SVEP1: variants seen among roughly 807,000 people sequenced by gnomAD.
SVEP1 encodes the protein sushi, von Willebrand factor type A, EGF and pentraxin domain containing 1.
In SVEP1, 164 loss-of-function variants were observed where a neutral mutation model predicts 367.3. The ratio of observed to expected loss-of-function variants is 0.45; its 90% CI spans 0.39 to 0.51. The LOEUF is 0.51. SVEP1 is among the 20% of genes least tolerant of loss of function. SVEP1 has a pLI of 0.00. For missense variants in SVEP1, 4,117 were observed against 4,425.3 expected (o/e 0.93, Z 1.98); for synonymous variants, 1,666 against 1,611.6 (o/e 1.03, Z -0.81).
chr9:110,388,973 TAAAAATA>T (rs2118967800), intron 41 of SVEP1, among the ~76,000 whole-genome samples: 1 of 98,770 alleles, frequency 1.0e-5, no homozygotes, highest in South Asian at 3.0e-4. Context: ...TATTTAAAAA[TAAAAATA>T]AAAATACATA....
At chr9:110,461,202 G>C (rs550447345) in intron 18 of SVEP1, among the ~76,000 whole-genome samples, 1 of 152,284 alleles carries the variant, frequency 6.6e-6, no homozygotes, top group East Asian at 1.9e-4. Context: ...TTTCCTCCAT[G>C]ATGTTTTGTT....
intron 37 of SVEP1, among the ~76,000 whole-genome samples, chr9:110,410,171 G>A (rs1209852822): frequency 6.6e-6 from 1 of 152,144 alleles, no homozygotes; most frequent in Non-Finnish European, 1.5e-5. Flanking sequence ...TATTTTGAAT[G>A]TAAAGGAGAA....
chr9:110,574,089 G>A lies in SVEP1; in HGVS notation c.531+4924C>T, dbSNP rs554943341. ...AAATAATAATCATTTAAAAAGAGAA[G>A]CAACACTGTTAATCCTTTTTGTTTG... On this transcript the variant is annotated intron_variant, in intron 1 of 47. Transcript: ENST00000374469. 5.3e-5 allele frequency among the ~76,000 whole-genome samples: 8 copies of A among 152,290 alleles called. No individual in the cohort carries two copies. The South Asian group carries it at 6.2e-4, about 12-fold the overall frequency.
In SVEP1 at chr9:110,515,582, G is replaced by A. The variant is rs1313279555; in HGVS notation, c.965-1476C>T. On this transcript the variant is annotated intron_variant, in intron 3 of 47. Coordinates refer to ENST00000374469, the MANE Select transcript of SVEP1 (RefSeq NM_153366.4). ...CCCAAAGTGCTGGGATTACAGGCGT[G>A]AGCCACCGCGCCCGGCCTATGTGGG... is the stretch of plus-strand genomic sequence containing the variant. Among the ~76,000 whole-genome samples the A allele has an allele frequency of 2.0e-5, 3 of 152,242 alleles. 1 individual carries two copies. The highest frequency in any genetic ancestry group is 1.9e-4 in the East Asian group (1 of 5,170).
rs568010525 is a variant in SVEP1, at chr9:110,579,119, G to A, written c.425C>T (p.Thr142Ile). The change falls in exon 1 of 48, where the codon ACC becomes ATC. Residue 142 changes from threonine (T) to isoleucine (I), a missense_variant. By Grantham distance (89) the Thr-to-Ile change is moderately conservative. Around this residue, in one of 4 missense-constraint regions of SVEP1, gnomAD observed 2,174 missense variants for 2,494.3 expected, o/e 0.87. Coordinates refer to ENST00000374469, the MANE Select transcript of SVEP1 (RefSeq NM_153366.4). This position sits in a 1 kb window ranked among gnomAD's most constrained non-coding sequence, Gnocchi z 5.3. ...YVVPRVDYIS[T>I]RRARQHKCAL... ...GCACTTGTGCTGGCGCGCGCGGCGG[G>A]TGGAGATGTAATCGACGCGCGGCAC... 3 of 1,554,124 alleles carry A rather than the reference G, an allele frequency of 1.9e-6. No homozygotes were observed. The highest frequency in any genetic ancestry group is 2.4e-5 in the East Asian group (1 of 41,034).
At chr9:110,503,243 C>A in intron 5 of SVEP1, 26 bp from the exon 6 acceptor site, 2 of 1,591,304 alleles carry the variant, frequency 1.3e-6, no homozygotes, top group East Asian at 2.2e-5. Flanking sequence ...GCAATTAGAT[C>A]ACATTTTGCT....
At chr9:110,380,444 C>T (rs1230834271) in intron 43 of SVEP1, among the ~76,000 whole-genome samples, 3 of 151,596 alleles carry the variant, frequency 2.0e-5, no homozygotes, top group Non-Finnish European at 4.4e-5. Flanking sequence ...CTAAGGTGGA[C>T]AAAATGCCTA....
At chr9:110,395,295 C>G (rs1204172350) in intron 40 of SVEP1, among the ~76,000 whole-genome samples, 1 of 152,106 alleles carries the variant, frequency 6.6e-6, no homozygotes, top group Middle Eastern at 3.2e-3. Context: ...TACAGACAAG[C>G]AAATGCTGAG....
intron 12 of SVEP1, 127 bp downstream of exon 12, chr9:110,481,115 A>G (rs1052033277): frequency 3.0e-6 from 2 of 659,050 alleles, no homozygotes; most frequent in Non-Finnish European, 4.6e-6. Flanking sequence ...TCTTATTCAC[A>G]AACATTTCAA....
In SVEP1 at chr9:110,514,050, T is replaced by C. The variant is rs777110459; in HGVS notation, c.1021A>G (p.Ile341Val). 10 of 1,611,812 alleles carry C rather than the reference T, an allele frequency of 6.2e-6. No homozygotes were observed. The highest frequency in any genetic ancestry group is 1.6e-4 in the Middle Eastern group (1 of 6,076). ...EGSPGGISSC[I>V]PCPDENHTSP... Reference sequence around the variant, plus strand: ...GTGTGATTTTCATCAGGACATGGAATGCAACTGCTGATTCCTCCTGGTGAG... The same window carrying C: ...GTGTGATTTTCATCAGGACATGGAACGCAACTGCTGATTCCTCCTGGTGAG... Residue 341 changes from isoleucine to valine, a missense_variant, in exon 4 of 48, where the codon ATT becomes GTT. By Grantham distance (29) the Ile-to-Val change is conservative. Around this residue, in one of 4 missense-constraint regions of SVEP1, gnomAD observed 2,174 missense variants for 2,494.3 expected, o/e 0.87. Transcript: ENST00000374469.
At chr9:110,400,250 G>A (rs1052367953) in intron 40 of SVEP1, among the ~76,000 whole-genome samples, 9 of 152,196 alleles carry the variant, frequency 5.9e-5, no homozygotes, top group Admixed American at 3.9e-4. Context: ...ATGATTACCA[G>A]CAAGCCGAAA....
At chr9:110,563,585 C>T (rs775197013) in intron 1 of SVEP1, among the ~76,000 whole-genome samples, 5 of 152,162 alleles carry the variant, frequency 3.3e-5, no homozygotes, top group Non-Finnish European at 5.9e-5. Context: ...GGCAACCACA[C>T]TCTGTTGTGT....
chr9:110,502,312 C>T (rs991929645), intron 6 of SVEP1, among the ~76,000 whole-genome samples: 3 of 151,978 alleles, frequency 2.0e-5, no homozygotes, highest in Non-Finnish European at 4.4e-5. Flanking sequence ...ACCATGTTAG[C>T]CAGGCTGGTC....
intron 7 of SVEP1, 50 bp downstream of exon 7, chr9:110,498,991 T>C: frequency 2.0e-6 from 3 of 1,533,338 alleles, no homozygotes; most frequent in African/African-American, 2.7e-5. Flanking sequence ...TGCACCCATA[T>C]GGCAATATTA....
At chr9:110,535,410 G>C (rs182084078) in intron 3 of SVEP1, among the ~76,000 whole-genome samples, 3 of 152,034 alleles carry the variant, frequency 2.0e-5, no homozygotes, top group African/African-American at 7.2e-5. Flanking sequence ...TGCTATTTTG[G>C]TTACTGTAGG....
At chr9:110,536,319 A>C (rs562240803) in intron 3 of SVEP1, among the ~76,000 whole-genome samples, 2 of 151,988 alleles carry the variant, frequency 1.3e-5, no homozygotes, top group African/African-American at 4.8e-5. Flanking sequence ...GTCACAGTGA[A>C]CTCTACCTCT....
At chr9:110,476,061 A>C (rs1829093065) in intron 14 of SVEP1, 143 bp downstream of exon 14, 1 of 562,748 alleles carries the variant, frequency 1.8e-6, no homozygotes, top group Non-Finnish European at 3.1e-6. Flanking sequence ...CTTTCAGCAC[A>C]TTATCAAATT....
intron 3 of SVEP1, among the ~76,000 whole-genome samples, chr9:110,520,766 C>A (rs1318666532): frequency 6.6e-6 from 1 of 152,156 alleles, no homozygotes; most frequent in Non-Finnish European, 1.5e-5. Context: ...CTTAGATTAA[C>A]TTCTAAAAAT....
At chr9:110,502,885 G>C (rs1327075808) in intron 6 of SVEP1, among the ~76,000 whole-genome samples, 153 bp downstream of exon 6, 3 of 150,458 alleles carry the variant, frequency 2.0e-5, no homozygotes, top group Non-Finnish European at 4.5e-5. Context: ...CAACACATCT[G>C]TTTTTGTATC....
Sources: allele counts gnomAD v4.1 joint callset (sites outside exome capture counted in the v4.1 genomes callset), GRCh38; gene constraint gnomAD v4.1.1; regional missense constraint gnomAD v4.1.1; non-coding constraint Gnocchi (gnomAD v3.1); transcripts MANE v1.5; gene names NCBI Gene and HGNC (gene_info 2026-07-23, HGNC 2026-07-21).